UTRN: variants seen among roughly 807,000 people sequenced by gnomAD.
UTRN encodes the protein dystrophin-related protein 1.
Under a neutral mutation model 463.9 loss-of-function variants are expected in UTRN, and 283 were observed. That is an observed-to-expected ratio of 0.61 (90% CI 0.55 to 0.67). The LOEUF (loss-of-function observed/expected upper bound fraction) is 0.67, where lower values mean the gene tolerates loss of function less well. UTRN is among the 30% of genes least tolerant of loss of function. The pLI is 0.00. For missense variants in UTRN, 3,922 were observed against 4,084.3 expected, an observed-to-expected ratio of 0.96 and a Z score of 1.08; for synonymous variants, 1,442 against 1,431.5, an observed-to-expected ratio of 1.01 and a Z score of -0.17.
chr6:144,692,868 G>C (rs111625675), intron 52 of UTRN, among the ~76,000 whole-genome samples: 5,123 of 152,086 alleles, frequency 0.034, 300 homozygotes, highest in African/African-American at 0.12. Context: ...TTCTTTTGCT[G>C]TGCAGAAGCT....
rs1408442046 is a variant in UTRN, at chr6:144,312,990, C to T, written c.79+21083C>T. Among the ~76,000 whole-genome samples, 3 of 152,240 alleles carry T rather than the reference C, an allele frequency of 2.0e-5. No homozygotes were observed. In the East Asian group the frequency reaches 5.8e-4, roughly 29 times the overall value. The stretch of plus-strand genomic sequence containing the variant: ...AAAATCAGAGTTTATTTCTTTCTCT[C>T]CTTACAGTTCAGAGTTGGTGGGTGA... On this transcript the variant is annotated intron_variant, in intron 2 of 74. Transcript: ENST00000367545.
At chr6:144,472,870 CTATTCTCCTGCCT>C (rs1790808551) in intron 23 of UTRN, among the ~76,000 whole-genome samples, 1 of 151,482 alleles carries the variant, frequency 6.6e-6, no homozygotes, top group Non-Finnish European at 1.5e-5. Context: ...CAGTTTCAAG[CTATTCTCCTGCCT>C]AAGCCACCCC....
At chr6:144,824,731 G>A (rs1389826934) in intron 66 of UTRN, among the ~76,000 whole-genome samples, 1 of 135,308 alleles carries the variant, frequency 7.4e-6, no homozygotes, top group African/African-American at 2.8e-5. Flanking sequence ...AGGCTCAAGT[G>A]TTCCTCTTTG....
rs372655694 is a variant in UTRN, at chr6:144,515,750, T to C, written c.5245-479T>C. On this transcript the variant is annotated intron_variant, in intron 37 of 74. Coordinates refer to ENST00000367545, the MANE Select transcript of UTRN (RefSeq NM_007124.3). ...ATAAAATTTTTCTACGTAGATGTTA[T>C]CTGAAAAGATGACATTGAGAAATAT... Among the ~76,000 whole-genome samples, 96 of 152,364 alleles carry C rather than the reference T, an allele frequency of 6.3e-4. 2 individuals are homozygous for C. The East Asian group carries it at 0.015, about 24-fold the overall frequency.
chr6:144,651,586 A>G (rs1005658929), intron 51 of UTRN, among the ~76,000 whole-genome samples: 6 of 152,218 alleles, frequency 3.9e-5, no homozygotes, highest in South Asian at 2.1e-4. Flanking sequence ...TGTAACATCA[A>G]TGAATATTTT....
intron 46 of UTRN, among the ~76,000 whole-genome samples, chr6:144,544,383 A>G (rs1233344032): frequency 6.6e-6 from 1 of 152,160 alleles, no homozygotes; most frequent in East Asian, 1.9e-4. Context: ...ACTCCAAACT[A>G]AAACCTCTTA....
At position 144,693,435 on chromosome 6, in the gene UTRN, T is replaced by C. The variant is rs148423338; in HGVS notation, c.7653-6652T>C. Among the ~76,000 whole-genome samples the C allele has an allele frequency of 1.3e-3, 203 of 152,316 alleles. 2 individuals carry two copies. Among genetic ancestry groups the C allele is most frequent in the Admixed American group, 3.9e-3 (60 of 15,304 alleles). ...TTCTCTAGTTCTGTGAAGAACATTATTGGTAGTTTAATAGGAATAGCATTG... is the reference window on the plus strand; with the variant it reads ...TTCTCTAGTTCTGTGAAGAACATTACTGGTAGTTTAATAGGAATAGCATTG... On this transcript the variant is annotated intron_variant, in intron 52 of 74. Coordinates refer to ENST00000367545, the MANE Select transcript of UTRN (RefSeq NM_007124.3).
Position 144,424,049 on chromosome 6 carries a change from T to C in UTRN, c.376T>C (p.Leu126=), listed in dbSNP as rs1584728477. ...VDGNHKLTLG[L]LWSIILHWQV... ...TGGAAATCACAAACTGACTTTGGGG[T>C]TACTTTGGAGCATCATTTTGCACTG... Residue 126 remains leucine, a synonymous_variant, in exon 6 of 75, where the codon TTA becomes CTA. Coordinates refer to ENST00000367545, the MANE Select transcript of UTRN (RefSeq NM_007124.3). The C allele has an allele frequency of 8.7e-6, 14 of 1,614,176 alleles. No individual in the cohort carries two copies. The East Asian group carries it at 3.1e-4, about 36-fold the overall frequency.
chr6:144,466,624 C>T, intron 23 of UTRN, among the ~76,000 whole-genome samples: 1 of 152,006 alleles, frequency 6.6e-6, no homozygotes, highest in Non-Finnish European at 1.5e-5. Flanking sequence ...TTCTTTTTTC[C>T]ATTATTGATT....
chr6:144,378,840 G>A (rs1486452968), intron 2 of UTRN, among the ~76,000 whole-genome samples: 3 of 152,230 alleles, frequency 2.0e-5, no homozygotes, highest in Non-Finnish European at 4.4e-5. Flanking sequence ...GATGACAGTA[G>A]CTTGGACTGG....
Position 144,782,068 on chromosome 6 carries a change from A to T in UTRN, c.8779A>T (p.Asn2927Tyr). 1 of 1,614,036 alleles carries T rather than the reference A, an allele frequency of 6.2e-7. No homozygotes were observed. Among genetic ancestry groups the T allele is most frequent in the Non-Finnish European group, 8.5e-7 (1 of 1,179,956 alleles). ...TGAGCAAATGCATAAGGACCTGGTC[A>T]ACGTTCCACTCTGTGTTGATATGTG... Reference protein sequence around the residue: ...GLEQMHKDLVNVPLCVDMCLN... With the variant: ...GLEQMHKDLVYVPLCVDMCLN... The change falls in exon 61 of 75, where the codon AAC becomes TAC. Residue 2927 changes from asparagine (N) to tyrosine (Y), a missense_variant. Asn to Tyr is a moderately radical substitution (Grantham distance 143, BLOSUM62 -2). Transcript: ENST00000367545.
intron 54 of UTRN, among the ~76,000 whole-genome samples, chr6:144,738,055 G>A (rs1043808982): frequency 5.9e-5 from 9 of 152,232 alleles, no homozygotes; most frequent in Middle Eastern, 3.4e-3. Flanking sequence ...TCCAGCTAAC[G>A]AAAGGTAGAT....
intron 2 of UTRN, among the ~76,000 whole-genome samples, chr6:144,320,342 T>C (rs1272448699): frequency 2.0e-5 from 3 of 152,192 alleles, no homozygotes; most frequent in Admixed American, 2.0e-4. Context: ...TCCTGCTCTC[T>C]CTTTCCCTCT....
At chr6:144,803,931 A>G (rs1345648317) in intron 65 of UTRN, among the ~76,000 whole-genome samples, 1 of 152,080 alleles carries the variant, frequency 6.6e-6, no homozygotes, top group Non-Finnish European at 1.5e-5. Context: ...GTTTATCCCA[A>G]TTTACATTAT....
Position 144,453,860 on chromosome 6 carries a change from A to G in UTRN, c.2275A>G (p.Met759Val), listed in dbSNP as rs748063035. The G allele has an allele frequency of 1.2e-6, 2 of 1,613,230 alleles. No homozygotes were observed. Among genetic ancestry groups the G allele is most frequent in the Non-Finnish European group, 1.7e-6 (2 of 1,179,442 alleles). ...NQTGQILVEQ[M>V]GKEGLPTEEI... is the part of the protein sequence containing the mutation. Reference sequence around the variant, plus strand: ...AACTGGACAAATCCTTGTGGAGCAAATGGGAAAAGGTAAGATCCTTGATTT... The same window carrying G: ...AACTGGACAAATCCTTGTGGAGCAAGTGGGAAAAGGTAAGATCCTTGATTT... The change falls in exon 19 of 75, where the codon ATG (methionine) becomes GTG (valine). Residue 759 changes from methionine to valine, a missense_variant. Transcript: ENST00000367545.
chr6:144,697,408 C>T (rs934231565), intron 52 of UTRN, among the ~76,000 whole-genome samples: 9 of 151,954 alleles, frequency 5.9e-5, no homozygotes, highest in Admixed American at 2.6e-4. Context: ...CTAAGCTGAA[C>T]GCAAATTTAA....
chr6:144,592,439 C>G (rs1317053318), intron 51 of UTRN, among the ~76,000 whole-genome samples: 1 of 151,956 alleles, frequency 6.6e-6, no homozygotes, highest in African/African-American at 2.4e-5. Flanking sequence ...GGAGTAATCT[C>G]AGCTCACTGC....
At chr6:144,637,112 G>A (rs1777257773) in intron 51 of UTRN, among the ~76,000 whole-genome samples, 1 of 152,086 alleles carries the variant, frequency 6.6e-6, no homozygotes, top group Non-Finnish European at 1.5e-5. Flanking sequence ...GGGACCACAG[G>A]TGCATGCCAC....
intron 2 of UTRN, among the ~76,000 whole-genome samples, chr6:144,388,169 G>C (rs1205348025): frequency 6.6e-6 from 1 of 152,150 alleles, no homozygotes; most frequent in Non-Finnish European, 1.5e-5. Flanking sequence ...TTGGCTCTTG[G>C]CTTTCTGTCA....
Sources: gnomAD v4.1 joint callset for allele counts (sites outside exome capture counted in the v4.1 genomes callset) on GRCh38, gnomAD v4.1.1 for gene constraint, MANE v1.5 for transcripts, NCBI Gene and HGNC (gene_info 2026-07-23, HGNC 2026-07-21) for gene names.